The following ZNF157 variants were observed in gnomAD, a reference collection of about 807,000 sequenced individuals.
The protein encoded by ZNF157 is zinc finger protein 22.
ZNF157 carries 8 observed loss-of-function variants against 9.4 expected under a neutral mutation model. The observed-to-expected ratio is 0.85, with a 90% confidence interval of 0.50 to 1.53. The LOEUF is 1.53. ZNF157 is among the 40% of genes most tolerant of loss of function. The probability of loss-of-function intolerance (pLI) is 0.00; values close to 1 mark genes in which losing one functional copy is unlikely to be tolerated. For missense variants in ZNF157, 316 were observed against 385.2 expected, an observed-to-expected ratio of 0.82 and a Z score of 1.50; for synonymous variants, 120 against 130.8, an observed-to-expected ratio of 0.92 and a Z score of 0.56.
intron 1 of ZNF157, among the ~76,000 whole-genome samples, chrX:47,408,897 CTG>C (rs1226450336): frequency 8.9e-6 from 1 of 111,803 alleles, no homozygotes; most frequent in Non-Finnish European, 1.9e-5. Context: ...ACCTCCAACA[CTG>C]GGGATTACAA....
At chrX:47,387,050 C>T (rs890848135) in intron 1 of ZNF157, among the ~76,000 whole-genome samples, 1 of 109,639 alleles carries the variant, frequency 9.1e-6, no homozygotes. Flanking sequence ...TCACTGAAAC[C>T]TCTCTTCAAG....
chrX:47,405,122 T>C (rs2055943019), intron 1 of ZNF157, among the ~76,000 whole-genome samples: 1 of 111,229 alleles, frequency 9.0e-6, no homozygotes, highest in Non-Finnish European at 1.9e-5. Context: ...ACGTGGTGGC[T>C]CACATCTGTA....
chrX:47,388,932 A>C (rs1474385726), intron 1 of ZNF157, among the ~76,000 whole-genome samples: 3 of 110,216 alleles, frequency 2.7e-5, no homozygotes, highest in African/African-American at 9.9e-5. Flanking sequence ...GGTTCAAGCA[A>C]TTCTCTTGCC....
chrX:47,411,628 G>A (rs762577595), intron 3 of ZNF157, among the ~76,000 whole-genome samples: 6 of 109,834 alleles, frequency 5.5e-5, no homozygotes, highest in Admixed American at 9.8e-5. Flanking sequence ...ATGGCCTCCC[G>A]AAGTGCTAGG....
intron 1 of ZNF157, among the ~76,000 whole-genome samples, chrX:47,373,420 G>C (rs1402813247): frequency 9.0e-6 from 1 of 111,046 alleles, no homozygotes; most frequent in Non-Finnish European, 1.9e-5. Flanking sequence ...GGAAATGAAG[G>C]CTTGCTGGAG....
At chrX:47,400,058 G>C (rs1024569339) in intron 1 of ZNF157, among the ~76,000 whole-genome samples, 1 of 102,340 alleles carries the variant, frequency 9.8e-6, no homozygotes, top group African/African-American at 3.6e-5. Context: ...GTGCAGTGGC[G>C]CAATTTCGGC....
intron 1 of ZNF157, among the ~76,000 whole-genome samples, chrX:47,408,962 C>G (rs1166391778): frequency 8.9e-6 from 1 of 111,983 alleles, no homozygotes; most frequent in Non-Finnish European, 1.9e-5. Flanking sequence ...CAGGAATTTA[C>G]TCTGCAACCT....
In ZNF157 at chrX:47,413,826, C is replaced by T; in HGVS notation, c.*232C>T. The T allele has an allele frequency of 2.9e-6, 1 of 342,182 alleles. No individual in the cohort carries two copies. The highest frequency in any genetic ancestry group is 5.1e-5 in the East Asian group (1 of 19,620). The allele number at this position is 342,182 out of a possible 1,213,427, so 28.2% of individuals were successfully genotyped here. A position where few individuals can be genotyped will look rare whatever the true frequency, so the allele number is the denominator to read the frequency against. On this transcript the variant is annotated 3_prime_UTR_variant, in exon 4 of 4. Coordinates refer to ENST00000377073, the MANE Select transcript of ZNF157 (RefSeq NM_003446.4). ...GTGCATTGACTGTTCATGTCCTCTG[C>T]TCATTGTTTTCAAATGGGCTGTTCA...
intron 1 of ZNF157, among the ~76,000 whole-genome samples, chrX:47,403,359 G>T (rs1254994966): frequency 1.8e-5 from 2 of 110,429 alleles, no homozygotes; most frequent in African/African-American, 3.3e-5. Flanking sequence ...TTGAGATGGG[G>T]TCTCACTCTT....
chrX:47,396,076 T>G (rs1602768194), intron 1 of ZNF157, among the ~76,000 whole-genome samples: 1 of 111,227 alleles, frequency 9.0e-6, no homozygotes, highest in East Asian at 2.8e-4. Context: ...GCATATATAT[T>G]TATATATCCA....
intron 1 of ZNF157, among the ~76,000 whole-genome samples, chrX:47,389,246 G>A (rs750266409): frequency 3.4e-4 from 37 of 108,458 alleles, no homozygotes; most frequent in African/African-American, 1.1e-3. Flanking sequence ...TTGCTCTGTC[G>A]CCCAGGCTGG....
At chrX:47,411,297 G>C (rs2055964118) in intron 3 of ZNF157, among the ~76,000 whole-genome samples, 1 of 110,042 alleles carries the variant, frequency 9.1e-6, no homozygotes, top group South Asian at 3.9e-4. Flanking sequence ...CCTTTATCTT[G>C]ATTTTTAAGT....
chrX:47,382,282 CTTTTTTTTTT>C (rs764704009), intron 1 of ZNF157, among the ~76,000 whole-genome samples: 2 of 53,357 alleles, frequency 3.7e-5, no homozygotes, highest in African/African-American at 8.7e-5. Flanking sequence ...TTCAACAGAA[CTTTTTTTTTT>C]TTTTTTTTTT....
intron 1 of ZNF157, among the ~76,000 whole-genome samples, chrX:47,404,869 A>C (rs1422221581): frequency 9.0e-6 from 1 of 110,678 alleles, no homozygotes; most frequent in Non-Finnish European, 1.9e-5. Context: ...CACTCCTATA[A>C]AGAACGACCT....
At chrX:47,398,008 G>GT (rs978702562) in intron 1 of ZNF157, among the ~76,000 whole-genome samples, 22 of 107,775 alleles carry the variant, frequency 2.0e-4, no homozygotes, top group Middle Eastern at 4.7e-3. Context: ...TTGTTTTTGT[G>GT]TTTTTTTTTG....
intron 1 of ZNF157, among the ~76,000 whole-genome samples, chrX:47,405,033 A>G (rs1387179039): frequency 2.7e-5 from 3 of 110,252 alleles, no homozygotes; most frequent in Non-Finnish European, 3.8e-5. Context: ...GAGAGAGAGC[A>G]AAGGGGGAAG....
intron 1 of ZNF157, among the ~76,000 whole-genome samples, chrX:47,391,614 G>T (rs903944836): frequency 9.1e-6 from 1 of 109,731 alleles, no homozygotes; most frequent in African/African-American, 3.3e-5. Context: ...GCAGTGGCAC[G>T]ATCTCGGCTC....
At chrX:47,380,140 G>A (rs963278583) in intron 1 of ZNF157, among the ~76,000 whole-genome samples, 17 of 110,644 alleles carry the variant, frequency 1.5e-4, no homozygotes, top group Non-Finnish European at 2.5e-4. Flanking sequence ...TAACAGTATT[G>A]AGTCTTCCCT....
intron 1 of ZNF157, among the ~76,000 whole-genome samples, chrX:47,404,024 G>A (rs2055939033): frequency 9.1e-6 from 1 of 110,170 alleles, no homozygotes; most frequent in Admixed American, 9.7e-5. Flanking sequence ...ACAAAAATTA[G>A]CTGGGTGTGG....
Sources: allele counts gnomAD v4.1 joint callset (sites outside exome capture counted in the v4.1 genomes callset), GRCh38; gene constraint gnomAD v4.1.1; transcripts MANE v1.5; gene names NCBI Gene and HGNC (gene_info 2026-07-23, HGNC 2026-07-21).